Variants in ELOVL4 observed in about 807,000 individuals in gnomAD.
ELOVL4 encodes ELOVL fatty acid elongase 4, also known as very long chain fatty acid elongase 4.
A neutral mutation model predicts 42.1 loss-of-function variants in ELOVL4; 18 were observed. The observed-to-expected ratio is 0.43, with a 90% confidence interval of 0.30 to 0.63. ELOVL4 has a LOEUF of 0.63. Ranked by LOEUF, ELOVL4 falls within the 30% of genes least tolerant of loss-of-function variation. The pLI, the probability that ELOVL4 is intolerant of heterozygous loss-of-function variation, is 0.15. For synonymous variants in ELOVL4, 117 were observed against 127.0 expected (o/e 0.92, Z 0.53); for missense variants, 299 against 376.2 (o/e 0.79, Z 1.70).
chr6:79,938,824 G>C lies in ELOVL4; in HGVS notation c.100+8356C>G, dbSNP rs543759316. ...CTCTGTAGATAACAATAAAAGAAAAGGTAAAATAAAAGAGAAACACAGATT... is the reference window on the plus strand; with the variant it reads ...CTCTGTAGATAACAATAAAAGAAAACGTAAAATAAAAGAGAAACACAGATT... On this transcript the variant is annotated intron_variant, in intron 1 of 5. Transcript: ENST00000369816. Among the ~76,000 whole-genome samples the C allele has an allele frequency of 2.6e-5, 4 of 152,226 alleles. No homozygotes were observed. In the South Asian group the frequency reaches 8.3e-4, roughly 32 times the overall value.
intron 1 of ELOVL4, among the ~76,000 whole-genome samples, chr6:79,937,270 G>A (rs1774559708): frequency 2.0e-5 from 3 of 152,128 alleles, no homozygotes; most frequent in Admixed American, 2.0e-4. Context: ...TTAAAAAGCA[G>A]AGGGAAAAAG....
chr6:79,923,247 T>G (rs970050705), intron 3 of ELOVL4, among the ~76,000 whole-genome samples: 1 of 152,214 alleles, frequency 6.6e-6, no homozygotes, highest in Non-Finnish European at 1.5e-5. Flanking sequence ...ATATTCACTC[T>G]ATTGCATCCC....
intron 1 of ELOVL4, among the ~76,000 whole-genome samples, chr6:79,938,261 T>A (rs577910804): frequency 6.6e-6 from 1 of 152,306 alleles, no homozygotes; most frequent in Admixed American, 6.5e-5. Context: ...ATCTGGGAGT[T>A]CCAAGTTCAA....
intron 1 of ELOVL4, among the ~76,000 whole-genome samples, chr6:79,935,776 A>G (rs1056312242): frequency 6.6e-6 from 1 of 152,212 alleles, no homozygotes; most frequent in Admixed American, 6.5e-5. Flanking sequence ...TTTTACATTA[A>G]TAACTTAAGC....
At chr6:79,945,125 A>G (rs2127703031) in intron 1 of ELOVL4, among the ~76,000 whole-genome samples, 1 of 152,302 alleles carries the variant, frequency 6.6e-6, no homozygotes, top group East Asian at 1.9e-4. Flanking sequence ...AGTACAGCAG[A>G]ACAGACTATA....
intron 1 of ELOVL4, 52 bp from the exon 2 acceptor site, chr6:79,926,433 A>G: frequency 2.6e-6 from 4 of 1,537,714 alleles, no homozygotes; most frequent in Non-Finnish European, 3.6e-6. Flanking sequence ...AATGTTTTAT[A>G]AAATACACTT....
chr6:79,946,510 C>T (rs1416547002), intron 1 of ELOVL4, among the ~76,000 whole-genome samples: 2 of 152,160 alleles, frequency 1.3e-5, no homozygotes, highest in East Asian at 3.9e-4. Flanking sequence ...TTGGCCTCCC[C>T]CTCCCCCTGA....
intron 1 of ELOVL4, among the ~76,000 whole-genome samples, chr6:79,946,516 C>A (rs572506841): frequency 6.6e-6 from 1 of 152,316 alleles, no homozygotes; most frequent in South Asian, 2.1e-4. Context: ...TCCCCCTCCC[C>A]CTGACTGCAC....
At position 79,945,133 on chromosome 6, in the gene ELOVL4, A is replaced by G. The variant is rs184696002; in HGVS notation, c.100+2047T>C. On this transcript the variant is annotated intron_variant, in intron 1 of 5. Coordinates refer to ENST00000369816, the MANE Select transcript of ELOVL4 (RefSeq NM_022726.4). ...ACACAGCAGTACAGCAGAACAGACT[A>G]TATCCACTAAGCCTCTCTGTTGGTT... 5.8e-3 allele frequency among the ~76,000 whole-genome samples: 877 copies of G among 152,276 alleles called. 6 individuals are homozygous for G. Among genetic ancestry groups the G allele is most frequent in the South Asian group, 0.023 (111 of 4,822 alleles).
At chr6:79,941,792 T>C (rs1774649509) in intron 1 of ELOVL4, among the ~76,000 whole-genome samples, 1 of 152,234 alleles carries the variant, frequency 6.6e-6, no homozygotes, top group Non-Finnish European at 1.5e-5. Flanking sequence ...AAAATTATGC[T>C]AGATTAAGAG....
chr6:79,923,035 G>A (rs187597279), intron 3 of ELOVL4, among the ~76,000 whole-genome samples: 51 of 152,088 alleles, frequency 3.4e-4, no homozygotes, highest in African/African-American at 1.1e-3. Context: ...TTTTGGCATC[G>A]TAACCTTTAA....
At chr6:79,935,180 A>G (rs976650477) in intron 1 of ELOVL4, among the ~76,000 whole-genome samples, 1 of 152,208 alleles carries the variant, frequency 6.6e-6, no homozygotes, top group African/African-American at 2.4e-5. Context: ...AAACAACTAT[A>G]ATTAATACTT....
Position 79,923,201 on chromosome 6 carries a change from C to T in ELOVL4, c.370-1405G>A, listed in dbSNP as rs528482505. Among the ~76,000 whole-genome samples the T allele has an allele frequency of 9.2e-5, 14 of 152,186 alleles. No homozygotes were observed. The East Asian group carries it at 1.4e-3, about 15-fold the overall frequency. On this transcript the variant is annotated intron_variant, in intron 3 of 5. Coordinates refer to ENST00000369816, the MANE Select transcript of ELOVL4 (RefSeq NM_022726.4). Reference sequence around the variant, plus strand: ...ACCAAAAAGTGATACTTCTTGGCTACGTAACAATGAATACAGAAATGAGTC... The same window carrying T: ...ACCAAAAAGTGATACTTCTTGGCTATGTAACAATGAATACAGAAATGAGTC...
intron 1 of ELOVL4, among the ~76,000 whole-genome samples, chr6:79,929,526 C>A (rs2127700060): frequency 6.6e-6 from 1 of 152,262 alleles, no homozygotes; most frequent in South Asian, 2.1e-4. Context: ...CAGGCGTGAG[C>A]CACCATGCCC....
At position 79,947,344 on chromosome 6, in the gene ELOVL4, A is replaced by G. The variant is rs1048865191; in HGVS notation, c.-65T>C. On this transcript the variant is annotated 5_prime_UTR_variant, in exon 1 of 6. Transcript: ENST00000369816. ...GACCCAGAGAGAGGGCTGACCCCGG[A>G]GGCGGTGGCGGCCGACGGGGCGAGC... The G allele has an allele frequency of 4.5e-6, 6 of 1,347,084 alleles. No homozygotes were observed. The highest frequency in any genetic ancestry group is 4.8e-5 in the East Asian group (2 of 41,574). The allele number at this position is 1,347,084 out of a possible 1,614,324, so 83.4% of individuals were successfully genotyped here.
In ELOVL4 at chr6:79,916,221, AT is replaced by A. The variant is rs1774157674; in HGVS notation, c.*386del. The A allele has an allele frequency of 9.6e-6, 2 of 208,672 alleles. No homozygotes were observed. Among genetic ancestry groups the A allele is most frequent in the Non-Finnish European group, 2.0e-5 (2 of 102,126 alleles). The allele number at this position is 208,672 out of a possible 1,614,324, so 12.9% of individuals were successfully genotyped here. ...CAGTCAGTAGATAAGATAATTAGTAATTTATCAAAATAATTCATAAAGACCG... is the reference window on the plus strand; with the variant it reads ...CAGTCAGTAGATAAGATAATTAGTAATTATCAAAATAATTCATAAAGACCG... On this transcript the variant is annotated 3_prime_UTR_variant, in exon 6 of 6. Transcript: ENST00000369816.
At chr6:79,921,289 G>A (rs185628175) in intron 4 of ELOVL4, among the ~76,000 whole-genome samples, 19 of 151,528 alleles carry the variant, frequency 1.3e-4, no homozygotes, top group African/African-American at 4.4e-4. Flanking sequence ...GTGAAACCCT[G>A]TCTCTACTAA....
At chr6:79,942,484 T>G (rs918132076) in intron 1 of ELOVL4, among the ~76,000 whole-genome samples, 6 of 152,160 alleles carry the variant, frequency 3.9e-5, no homozygotes, top group African/African-American at 1.4e-4. Flanking sequence ...GCTTAACAAA[T>G]GAAAATACTT....
intron 4 of ELOVL4, among the ~76,000 whole-genome samples, chr6:79,921,414 T>C (rs2127698422): frequency 8.2e-6 from 1 of 121,528 alleles, no homozygotes; most frequent in East Asian, 2.5e-4. Context: ...TGAGCCGAGA[T>C]CGCGCCACTG....
Sources: gnomAD v4.1 joint callset for allele counts (sites outside exome capture counted in the v4.1 genomes callset) on GRCh38, gnomAD v4.1.1 for gene constraint, MANE v1.5 for transcripts, NCBI Gene and HGNC (gene_info 2026-07-23, HGNC 2026-07-21) for gene names.